Variants in FLRT1 observed in about 807,000 individuals in gnomAD.
FLRT1 encodes the protein fibronectin leucine rich transmembrane protein 1, also known as leucine-rich repeat transmembrane protein FLRT1.
FLRT1 carries 14 observed loss-of-function variants against 30.9 expected under a neutral mutation model. The ratio of observed to expected loss-of-function variants is 0.45; its 90% CI spans 0.30 to 0.71. The LOEUF (loss-of-function observed/expected upper bound fraction) is 0.71, where lower values mean the gene tolerates loss of function less well. Among genes scored for constraint, FLRT1 ranks in the 30% least tolerant of loss-of-function variants. FLRT1 has a pLI of 0.08. For missense variants in FLRT1, 737 were observed against 949.2 expected, an observed-to-expected ratio of 0.78 and a Z score of 2.94; for synonymous variants, 368 against 430.4, an observed-to-expected ratio of 0.85 and a Z score of 1.80.
At chr11:64,039,455 C>T (rs572199441) in intron 1 of FLRT1, among the ~76,000 whole-genome samples, 25 of 152,144 alleles carry the variant, frequency 1.6e-4, no homozygotes, top group Non-Finnish European at 2.6e-4. Context: ...GTTGTTCTGC[C>T]GGAGACAAAG....
intron 1 of FLRT1, among the ~76,000 whole-genome samples, chr11:64,073,973 G>A (rs1944155907): frequency 6.6e-6 from 1 of 152,130 alleles, no homozygotes; most frequent in African/African-American, 2.4e-5. Flanking sequence ...GGGTGCTTTG[G>A]AGGCCCAGGC....
intron 1 of FLRT1, among the ~76,000 whole-genome samples, chr11:64,060,929 A>G (rs1354656927): frequency 6.6e-6 from 1 of 151,866 alleles, no homozygotes; most frequent in East Asian, 2.0e-4. Context: ...CTTGGCGGGC[A>G]TGCGCACCGC....
intron 1 of FLRT1, among the ~76,000 whole-genome samples, chr11:64,094,915 A>G (rs1944550812): frequency 6.6e-6 from 1 of 152,190 alleles, no homozygotes; most frequent in African/African-American, 2.4e-5. Flanking sequence ...GTGTCCCAAG[A>G]GGGGAGGTAG....
chr11:64,068,660 C>G (rs1223216805), intron 1 of FLRT1, among the ~76,000 whole-genome samples: 2 of 152,216 alleles, frequency 1.3e-5, no homozygotes, highest in African/African-American at 4.8e-5. Context: ...TCTCTACCCC[C>G]TCCAGCCTGC....
chr11:64,040,831 C>T lies in FLRT1; in HGVS notation c.-1038+4672C>T, dbSNP rs1009908677. On this transcript the variant is annotated intron_variant, in intron 1 of 2. Transcript: ENST00000682287. ...GCTGTGTCCTGGAGGGCCCCGGACC[C>T]GGCTGTATGGGGCTCAGCTAGCCAC... Among the ~76,000 whole-genome samples the T allele has an allele frequency of 3.9e-5, 6 of 152,006 alleles. No homozygotes were observed. The South Asian group carries it at 6.2e-4, about 16-fold the overall frequency.
Position 64,117,342 on chromosome 11 carries a change from G to A in FLRT1, c.1075G>A (p.Gly359Ser), listed in dbSNP as rs1337427831. Residue 359 changes from glycine (G) to serine (S), a missense_variant, in exon 3 of 3, where the codon GGC becomes AGC. Gly to Ser is a moderately conservative substitution (Grantham distance 56). Coordinates refer to ENST00000682287, the MANE Select transcript of FLRT1 (RefSeq NM_013280.5). Reference sequence around the variant, plus strand: ...CAACGTGCGGGGCCTCATGTGCCAGGGCCCTGAGAAGGTCCGGGGCATGGC... The same window carrying A: ...CAACGTGCGGGGCCTCATGTGCCAGAGCCCTGAGAAGGTCCGGGGCATGGC... ...VVNVRGLMCQ[G>S]PEKVRGMAIK... The A allele has an allele frequency of 3.1e-6, 5 of 1,613,822 alleles. No individual in the cohort carries two copies. Among genetic ancestry groups the A allele is most frequent in the Middle Eastern group, 3.3e-4 (2 of 6,084 alleles).
rs1028775398 is a variant in FLRT1 at position 64,105,980 on chromosome 11, C to T, written c.-50+1799C>T. On this transcript the variant is annotated intron_variant, in intron 2 of 2. Transcript: ENST00000682287. ...TCCGTGAGTGTATCTGTGGGGTGGG[C>T]GGGAGGGGAAAAGGCCCTCTGTAGG... Among the ~76,000 whole-genome samples the T allele has an allele frequency of 9.7e-4, 4 of 4,106 alleles. 1 individual carries two copies. In the Admixed American group the frequency reaches 0.014, roughly 14 times the overall value. The allele number at this position is 4,106 out of a possible 152,430, so 2.7% of individuals were successfully genotyped here. A position where few individuals can be genotyped will look rare whatever the true frequency, so the allele number is the denominator to read the frequency against.
At chr11:64,091,054 G>T (rs545665946) in intron 1 of FLRT1, among the ~76,000 whole-genome samples, 11 of 150,324 alleles carry the variant, frequency 7.3e-5, no homozygotes, top group Admixed American at 2.0e-4. Flanking sequence ...AGAGGAGGAG[G>T]AGGGAAGAGA....
At chr11:64,046,660 C>G (rs1369762070) in intron 1 of FLRT1, among the ~76,000 whole-genome samples, 2 of 151,966 alleles carry the variant, frequency 1.3e-5, no homozygotes, top group African/African-American at 4.8e-5. Flanking sequence ...CCTCTATGCC[C>G]AGCTAATTTT....
At chr11:64,086,834 C>CGGTG (rs926946545) in intron 1 of FLRT1, 1 of 152,272 alleles carries the variant, frequency 6.6e-6, no homozygotes, top group Non-Finnish European at 1.5e-5. Context: ...CTTCCACAGG[C>CGGTG]GGTGCTAGGG....
chr11:64,062,028 C>G (rs1943915372), intron 1 of FLRT1, among the ~76,000 whole-genome samples: 1 of 149,240 alleles, frequency 6.7e-6, no homozygotes, highest in East Asian at 2.0e-4. Context: ...AAATCCTGTC[C>G]TGAGATTCTG....
rs1944028149 is a variant in FLRT1 at position 64,067,586 on chromosome 11, C to T, written c.-1038+31427C>T. Among the ~76,000 whole-genome samples, 3 of 152,162 alleles carry T rather than the reference C, an allele frequency of 2.0e-5. No homozygotes were observed. Among genetic ancestry groups the T allele is most frequent in the Admixed American group, 2.0e-4 (3 of 15,284 alleles). The stretch of plus-strand genomic sequence containing the variant: ...AGGGACCAGGACCCAGGCTTGTCTC[C>T]CTCCTGTCCCTAGGTGGGTGACGCA... On this transcript the variant is annotated intron_variant, in intron 1 of 2. Coordinates refer to ENST00000682287, the MANE Select transcript of FLRT1 (RefSeq NM_013280.5). This position sits in a 1 kb window ranked among gnomAD's most constrained non-coding sequence, Gnocchi z 4.6.
At position 64,082,569 on chromosome 11, in the gene FLRT1, T is replaced by C. The variant is rs1944323378; in HGVS notation, c.-1037-20625T>C. On this transcript the variant is annotated intron_variant, in intron 1 of 2. Transcript: ENST00000682287. The surrounding 1 kb of genome is among the most constrained non-coding windows in gnomAD (Gnocchi z 4.5). ...TCAGAGCTCCAGGCGGAAGTAGGGT[T>C]CAGATTCAGGTGAAGCTTAGGGGTC... is the stretch of plus-strand genomic sequence containing the variant. 6.6e-6 allele frequency among the ~76,000 whole-genome samples: 1 copy of C among 151,832 alleles called. No homozygotes were observed. Among genetic ancestry groups the C allele is most frequent in the Non-Finnish European group, 1.5e-5 (1 of 67,936 alleles).
rs1176247906 is a variant in FLRT1, at chr11:64,118,399, T to A, written c.*107T>A. On this transcript the variant is annotated 3_prime_UTR_variant, in exon 3 of 3. Transcript: ENST00000682287. Reference sequence around the variant, plus strand: ...AAGAGAGCAAGGAAGAGAAATTCCATGGGTGACTTTCCTCCGCAGAAAGCA... The same window carrying A: ...AAGAGAGCAAGGAAGAGAAATTCCAAGGGTGACTTTCCTCCGCAGAAAGCA... The A allele has an allele frequency of 4.5e-6, 6 of 1,335,020 alleles. No homozygotes were observed. In the Admixed American group the frequency reaches 1.8e-4, roughly 40 times the overall value. The allele number at this position is 1,335,020 out of a possible 1,614,324, so 82.7% of individuals were successfully genotyped here. A position where few individuals can be genotyped will look rare whatever the true frequency, so the allele number is the denominator to read the frequency against.
At chr11:64,102,838 G>A (rs1944693736) in intron 1 of FLRT1, among the ~76,000 whole-genome samples, 1 of 152,144 alleles carries the variant, frequency 6.6e-6, no homozygotes, top group African/African-American at 2.4e-5. Flanking sequence ...GGGAGGCCGA[G>A]GTGGGCGGAT....
intron 1 of FLRT1, among the ~76,000 whole-genome samples, chr11:64,066,463 T>A (rs957366479): frequency 2.0e-5 from 3 of 150,464 alleles, no homozygotes; most frequent in East Asian, 2.0e-4. Flanking sequence ...CAAAAAATTT[T>A]AAAAAATTAG....
At chr11:64,053,436 CTGAGGTGCA>C in intron 1 of FLRT1, among the ~76,000 whole-genome samples, 1 of 152,184 alleles carries the variant, frequency 6.6e-6, no homozygotes, top group African/African-American at 2.4e-5. Flanking sequence ...TCCAGGGGCA[CTGAGGTGCA>C]GGGTTAGGCT....
In FLRT1 at chr11:64,067,228, C is replaced by T. The variant is rs1944021033; in HGVS notation, c.-1038+31069C>T. Among the ~76,000 whole-genome samples, 1 of 152,056 alleles carries T rather than the reference C, an allele frequency of 6.6e-6. No homozygotes were observed. The highest frequency in any genetic ancestry group is 1.5e-5 in the Non-Finnish European group (1 of 68,004). The stretch of plus-strand genomic sequence containing the variant: ...GGCAGATGGGAGGGGTGGGGAGAGG[C>T]CTTGCATGGCACCCACTCCCACCTG... On this transcript the variant is annotated intron_variant, in intron 1 of 2. Transcript: ENST00000682287. The surrounding 1 kb of genome is among the most constrained non-coding windows in gnomAD (Gnocchi z 4.6).
At chr11:64,092,091 TC>T (rs1042468311) in intron 1 of FLRT1, among the ~76,000 whole-genome samples, 23 of 152,164 alleles carry the variant, frequency 1.5e-4, no homozygotes. Flanking sequence ...TCTGGTGTAT[TC>T]AAAAGGCCAC....
Sources: allele counts gnomAD v4.1 joint callset (sites outside exome capture counted in the v4.1 genomes callset), GRCh38; gene constraint gnomAD v4.1.1; non-coding constraint Gnocchi (gnomAD v3.1); transcripts MANE v1.5; gene names NCBI Gene and HGNC (gene_info 2026-07-23, HGNC 2026-07-21).